Variants in NSUN3 observed in about 807,000 individuals in gnomAD.
NSUN3 encodes NOP2/Sun RNA methyltransferase 3, also known as tRNA (cytosine(34)-C(5))-methyltransferase, mitochondrial.
In NSUN3, 24 loss-of-function variants were observed where a neutral mutation model predicts 36.8. That is an observed-to-expected ratio of 0.65 (90% confidence interval 0.47 to 0.92). The LOEUF is 0.92. Among genes scored for constraint, NSUN3 ranks in the 40% least tolerant of loss-of-function variants. The pLI, the probability that NSUN3 is intolerant of heterozygous loss-of-function variation, is 0.00. For missense variants in NSUN3, 381 were observed against 392.8 expected (o/e 0.97, Z 0.25); for synonymous variants, 146 against 145.2 (o/e 1.01, Z -0.04).
chr3:94,122,093 C>T (rs916577790), intron 5 of NSUN3, among the ~76,000 whole-genome samples: 1 of 148,876 alleles, frequency 6.7e-6, no homozygotes, highest in African/African-American at 2.5e-5. Flanking sequence ...TGCAGTGAGC[C>T]AGGATTGCAC....
At chr3:94,096,382 T>C (rs1256865965) in intron 5 of NSUN3, among the ~76,000 whole-genome samples, 1 of 152,166 alleles carries the variant, frequency 6.6e-6, no homozygotes, top group Non-Finnish European at 1.5e-5. Flanking sequence ...TTGAAAACTT[T>C]ATACCACCGT....
Position 94,126,230 on chromosome 3 carries a change from C to A in NSUN3, c.763C>A (p.Arg255Ser). ...ACACAGGTCTGCAATTAAGGCCTTA[C>A]GTCCTGGAGGGATACTTGTATACTC... Reference protein sequence around the residue: ...ELLRSAIKALRPGGILVYSTC... With the variant: ...ELLRSAIKALSPGGILVYSTC... The change falls in exon 6 of 6, where the codon CGT (arginine) becomes AGT (serine). Residue 255 changes from arginine (R) to serine (S), a missense_variant. By Grantham distance (110) the Arg-to-Ser change is moderately radical (BLOSUM62 -1). Coordinates refer to ENST00000314622, the MANE Select transcript of NSUN3 (RefSeq NM_022072.5). 1 of 1,612,768 alleles carries A rather than the reference C, an allele frequency of 6.2e-7. No homozygotes were observed. The highest frequency in any genetic ancestry group is 8.5e-7 in the Non-Finnish European group (1 of 1,179,044).
At chr3:94,072,002 C>T (rs1417207754) in intron 2 of NSUN3, among the ~76,000 whole-genome samples, 1 of 152,074 alleles carries the variant, frequency 6.6e-6, no homozygotes, top group East Asian at 1.9e-4. Context: ...GCAAGGGGAA[C>T]TGTAAGAATC....
chr3:94,073,931 A>T (rs2077236337), intron 2 of NSUN3, among the ~76,000 whole-genome samples: 1 of 152,152 alleles, frequency 6.6e-6, no homozygotes, highest in African/African-American at 2.4e-5. Context: ...TTATGGTTTT[A>T]GGTCTTATGT....
intron 5 of NSUN3, among the ~76,000 whole-genome samples, chr3:94,097,359 T>C (rs1250922271): frequency 5.3e-5 from 8 of 152,168 alleles, no homozygotes; most frequent in Admixed American, 4.6e-4. Context: ...TTCTGTTACA[T>C]GGTCTTTTTT....
In NSUN3 at chr3:94,126,604, T is replaced by C; in HGVS notation, c.*114T>C. 1.1e-6 allele frequency: 1 copy of C among 916,666 alleles called. No homozygotes were observed. Among genetic ancestry groups the C allele is most frequent in the Non-Finnish European group, 1.6e-6 (1 of 615,460 alleles). The allele number at this position is 916,666 out of a possible 1,614,324, so 56.8% of individuals were successfully genotyped here. Reference sequence around the variant, plus strand: ...TTCTCTGGGTCTGTTTGGAATCCTATTTAGTTAATACTTTAGCATCTTAGA... The same window carrying C: ...TTCTCTGGGTCTGTTTGGAATCCTACTTAGTTAATACTTTAGCATCTTAGA... On this transcript the variant is annotated 3_prime_UTR_variant, in exon 6 of 6. Coordinates refer to ENST00000314622, the MANE Select transcript of NSUN3 (RefSeq NM_022072.5).
chr3:94,077,580 G>T (rs1392010950), intron 2 of NSUN3, among the ~76,000 whole-genome samples: 3 of 152,010 alleles, frequency 2.0e-5, no homozygotes, highest in Non-Finnish European at 2.9e-5. Context: ...GACTTTTTTT[G>T]GTTGGTAGGC....
chr3:94,092,331 A>G (rs774175258), intron 3 of NSUN3, among the ~76,000 whole-genome samples: 9 of 152,188 alleles, frequency 5.9e-5, no homozygotes, highest in Non-Finnish European at 8.8e-5. Context: ...TCCTGTATCT[A>G]TCATGCTACT....
chr3:94,073,924 T>A (rs563820791), intron 2 of NSUN3, among the ~76,000 whole-genome samples: 1 of 152,368 alleles, frequency 6.6e-6, no homozygotes, highest in South Asian at 2.1e-4. Context: ...AGGATTTTTA[T>A]GGTTTTAGGT....
chr3:94,100,791 C>T (rs751070824), intron 5 of NSUN3, among the ~76,000 whole-genome samples: 4 of 151,986 alleles, frequency 2.6e-5, no homozygotes, highest in Non-Finnish European at 5.9e-5. Flanking sequence ...TTTATGACTG[C>T]GTGAAGGCAT....
intron 3 of NSUN3, among the ~76,000 whole-genome samples, chr3:94,093,678 G>C (rs2077325584): frequency 6.6e-6 from 1 of 152,222 alleles, no homozygotes; most frequent in Non-Finnish European, 1.5e-5. Flanking sequence ...TGTGGGACAG[G>C]AAGCTTTTAA....
At chr3:94,101,800 A>G (rs1160937327) in intron 5 of NSUN3, among the ~76,000 whole-genome samples, 2 of 152,148 alleles carry the variant, frequency 1.3e-5, no homozygotes, top group African/African-American at 2.4e-5. Context: ...CCTCATTTGT[A>G]TTTAAATGTA....
At chr3:94,081,854 C>T (rs1296829673) in intron 2 of NSUN3, 1 of 152,074 alleles carries the variant, frequency 6.6e-6, no homozygotes, top group East Asian at 1.9e-4. Flanking sequence ...TAATCCTAGG[C>T]AAGGTTACTA....
rs923431701 is a variant in NSUN3 at position 94,126,232 on chromosome 3, T to A, written c.765T>A (p.Arg255=). The A allele has an allele frequency of 1.2e-6, 2 of 1,613,820 alleles. No homozygotes were observed. Among genetic ancestry groups the A allele is most frequent in the Non-Finnish European group, 1.7e-6 (2 of 1,179,886 alleles). ...ACAGGTCTGCAATTAAGGCCTTACGTCCTGGAGGGATACTTGTATACTCTA... is the reference window on the plus strand; with the variant it reads ...ACAGGTCTGCAATTAAGGCCTTACGACCTGGAGGGATACTTGTATACTCTA... ...ELLRSAIKAL[R]PGGILVYSTC... Residue 255 remains arginine (R), a synonymous_variant, in exon 6 of 6, where the codon CGT becomes CGA. Transcript: ENST00000314622.
intron 5 of NSUN3, among the ~76,000 whole-genome samples, chr3:94,117,253 G>A (rs1194929200): frequency 6.6e-6 from 1 of 151,886 alleles, no homozygotes; most frequent in Admixed American, 6.6e-5. Flanking sequence ...GTCCCCTTTG[G>A]CCTCCCAAAG....
chr3:94,109,880 A>G (rs568337856), intron 5 of NSUN3, among the ~76,000 whole-genome samples: 84 of 152,356 alleles, frequency 5.5e-4, no homozygotes, highest in African/African-American at 2.0e-3. Flanking sequence ...GATTCTGAGT[A>G]CGCCTTCAGA....
intron 5 of NSUN3, among the ~76,000 whole-genome samples, chr3:94,120,355 A>G (rs2077456193): frequency 1.3e-5 from 2 of 152,214 alleles, no homozygotes; most frequent in African/African-American, 4.8e-5. Context: ...TTGTTGTACT[A>G]CCAATCTCCA....
intron 5 of NSUN3, among the ~76,000 whole-genome samples, chr3:94,106,283 AG>A (rs1188989260): frequency 6.6e-6 from 1 of 152,192 alleles, no homozygotes; most frequent in Admixed American, 6.5e-5. Flanking sequence ...ACTTACTGTC[AG>A]TGGAAAGAAG....
intron 2 of NSUN3, among the ~76,000 whole-genome samples, chr3:94,065,832 CA>C (rs1338814080): frequency 3.3e-5 from 5 of 152,206 alleles, no homozygotes; most frequent in Non-Finnish European, 7.4e-5. Context: ...CAAAGGTACT[CA>C]AATAGAGTAT....
Sources: allele counts gnomAD v4.1 joint callset (sites outside exome capture counted in the v4.1 genomes callset), GRCh38; gene constraint gnomAD v4.1.1; transcripts MANE v1.5; gene names NCBI Gene and HGNC (gene_info 2026-07-23, HGNC 2026-07-21).